The following LHFPL3 variants were observed in gnomAD, a reference collection of about 807,000 sequenced individuals.
LHFPL3 encodes the protein LHFPL tetraspan subfamily member 3.
A neutral mutation model predicts 19.3 loss-of-function variants in LHFPL3; 5 were observed. The observed-to-expected ratio is 0.26, with a 90% CI of 0.14 to 0.54. The LOEUF is 0.54. Ranked by LOEUF, LHFPL3 falls within the 20% of genes least tolerant of loss-of-function variation. The pLI is 0.94. For missense variants in LHFPL3, 249 were observed against 307.4 expected, an observed-to-expected ratio of 0.81 and a Z score of 1.42; for synonymous variants, 133 against 126.2, an observed-to-expected ratio of 1.05 and a Z score of -0.36.
chr7:104,727,758 A>T (rs1396953415), intron 1 of LHFPL3, among the ~76,000 whole-genome samples: 1 of 152,204 alleles, frequency 6.6e-6, no homozygotes, highest in Non-Finnish European at 1.5e-5. Context: ...AGAAAAAAAA[A>T]CTTGGAGTCA....
At position 104,469,119 on chromosome 7, in the gene LHFPL3, C is replaced by T. The variant is rs77952912; in HGVS notation, c.445+139895C>T. On this transcript the variant is annotated intron_variant, in intron 1 of 2. Coordinates refer to ENST00000424859, the MANE Select transcript of LHFPL3 (RefSeq NM_199000.3). ...ACATATGGATGGTTTGATCCAGCCT[C>T]GGTCACTGGAGTAAATAGAGTGAGT... Among the ~76,000 whole-genome samples the T allele has an allele frequency of 8.3e-3, 1,264 of 152,268 alleles. 19 individuals carry two copies. The highest frequency in any genetic ancestry group is 9.2e-3 in the Non-Finnish European group (623 of 68,022).
Position 104,665,025 on chromosome 7 carries a change from T to C in LHFPL3, c.446-71650T>C, listed in dbSNP as rs528190326. On this transcript the variant is annotated intron_variant, in intron 1 of 2. Transcript: ENST00000424859. Reference sequence around the variant, plus strand: ...ATATAAAATGAATACACATTGAATTTCAGATTTCTTAAAGGCAATACTGTG... The same window carrying C: ...ATATAAAATGAATACACATTGAATTCCAGATTTCTTAAAGGCAATACTGTG... Among the ~76,000 whole-genome samples the C allele has an allele frequency of 9.8e-5, 15 of 152,354 alleles. No individual in the cohort carries two copies. The South Asian group carries it at 2.5e-3, about 25-fold the overall frequency.
intron 1 of LHFPL3, among the ~76,000 whole-genome samples, chr7:104,583,010 C>T (rs1210921424): frequency 6.6e-6 from 1 of 151,850 alleles, no homozygotes; most frequent in African/African-American, 2.4e-5. Context: ...CTGGGAATAT[C>T]CATGTTCCCC....
At chr7:104,696,138 G>T (rs1279848103) in intron 1 of LHFPL3, among the ~76,000 whole-genome samples, 1 of 152,116 alleles carries the variant, frequency 6.6e-6, no homozygotes, top group Non-Finnish European at 1.5e-5. Flanking sequence ...TTTTAGTAGA[G>T]ACAGGGTTTC....
At chr7:104,553,273 T>C (rs1274778904) in intron 1 of LHFPL3, among the ~76,000 whole-genome samples, 1 of 152,176 alleles carries the variant, frequency 6.6e-6, no homozygotes, top group East Asian at 1.9e-4. Context: ...AGCCAGGATT[T>C]GGCCTTCAGA....
At chr7:104,557,892 T>C (rs1050957721) in intron 1 of LHFPL3, among the ~76,000 whole-genome samples, 90 of 149,684 alleles carry the variant, frequency 6.0e-4, no homozygotes, top group African/African-American at 2.0e-3. Flanking sequence ...TGTGATCTCA[T>C]TGTTCAATTC....
intron 1 of LHFPL3, among the ~76,000 whole-genome samples, chr7:104,471,968 A>G (rs1792916375): frequency 6.6e-6 from 1 of 152,122 alleles, no homozygotes; most frequent in Non-Finnish European, 1.5e-5. Flanking sequence ...GCTTGGCCCC[A>G]GGAGTTCAAG....
chr7:104,880,076 T>C (rs1285066058), intron 2 of LHFPL3, among the ~76,000 whole-genome samples: 1 of 151,634 alleles, frequency 6.6e-6, no homozygotes, highest in Non-Finnish European at 1.5e-5. Context: ...TTTTAGGGGC[T>C]GATAAGGTTT....
intron 1 of LHFPL3, among the ~76,000 whole-genome samples, chr7:104,392,708 G>A (rs1429161143): frequency 6.6e-6 from 1 of 152,156 alleles, no homozygotes; most frequent in African/African-American, 2.4e-5. Context: ...CATAAAATGA[G>A]TTAGGGAGGA....
chr7:104,439,120 G>C (rs34828500), intron 1 of LHFPL3, among the ~76,000 whole-genome samples: 58,793 of 151,956 alleles, frequency 0.39, 13,680 homozygotes, highest in African/African-American at 0.64. Flanking sequence ...GAACAAACTT[G>C]AGTTCTAGGC....
chr7:104,368,877 G>C (rs766665669), intron 1 of LHFPL3, among the ~76,000 whole-genome samples: 1 of 152,108 alleles, frequency 6.6e-6, no homozygotes, highest in East Asian at 1.9e-4. Flanking sequence ...TTTAATTTGT[G>C]GTAGGACAAA....
chr7:104,590,061 A>G, intron 1 of LHFPL3, among the ~76,000 whole-genome samples: 1 of 151,732 alleles, frequency 6.6e-6, no homozygotes, highest in East Asian at 1.9e-4. Flanking sequence ...TCAAAAAACC[A>G]CCTCCTGGAT....
intron 1 of LHFPL3, among the ~76,000 whole-genome samples, chr7:104,713,407 GAAACTTAC>G (rs1399677785): frequency 6.6e-6 from 1 of 152,198 alleles, no homozygotes; most frequent in East Asian, 1.9e-4. Flanking sequence ...AGGTAGCATG[GAAACTTAC>G]AATCGTGGCA....
chr7:104,881,029 G>A (rs942036251), intron 2 of LHFPL3, among the ~76,000 whole-genome samples: 1 of 151,950 alleles, frequency 6.6e-6, no homozygotes, highest in Admixed American at 6.6e-5. Flanking sequence ...TATTAGCCGG[G>A]CGTGCTAGCA....
chr7:104,892,857 C>T (rs1310470986), intron 2 of LHFPL3, among the ~76,000 whole-genome samples: 1 of 151,770 alleles, frequency 6.6e-6, no homozygotes, highest in Non-Finnish European at 1.5e-5. Flanking sequence ...TACTTCATAT[C>T]CTGCTTTATT....
chr7:104,619,283 C>A (rs1302898585), intron 1 of LHFPL3, among the ~76,000 whole-genome samples: 2 of 152,234 alleles, frequency 1.3e-5, no homozygotes, highest in Middle Eastern at 6.8e-3. Flanking sequence ...TACAAAATAT[C>A]CTATCATTAT....
chr7:104,510,412 C>T (rs1793786660), intron 1 of LHFPL3, among the ~76,000 whole-genome samples: 1 of 151,928 alleles, frequency 6.6e-6, no homozygotes, highest in African/African-American at 2.4e-5. Context: ...ATAGAGAACC[C>T]CAAATAGACA....
chr7:104,857,846 C>A (rs1003627208), intron 2 of LHFPL3, among the ~76,000 whole-genome samples: 1 of 152,160 alleles, frequency 6.6e-6, no homozygotes, highest in East Asian at 1.9e-4. Context: ...TAAATAAAGA[C>A]TGAAACTATG....
intron 1 of LHFPL3, among the ~76,000 whole-genome samples, chr7:104,545,834 A>G (rs971215992): frequency 1.3e-5 from 2 of 152,216 alleles, no homozygotes; most frequent in East Asian, 3.9e-4. Context: ...ATCAGTCTTC[A>G]TGGGTCAGCA....
Sources: gnomAD v4.1 joint callset for allele counts (sites outside exome capture counted in the v4.1 genomes callset) on GRCh38, gnomAD v4.1.1 for gene constraint, MANE v1.5 for transcripts, NCBI Gene and HGNC (gene_info 2026-07-23, HGNC 2026-07-21) for gene names.